ARMH3: variants seen among roughly 807,000 people sequenced by gnomAD.
ARMH3 encodes the protein armadillo like helical domain containing 3.
ARMH3 carries 60 observed loss-of-function variants against 99.1 expected under a neutral mutation model. That is an observed-to-expected ratio of 0.61 (90% CI 0.49 to 0.75). The LOEUF (loss-of-function observed/expected upper bound fraction) is 0.75. ARMH3 is among the 30% of genes least tolerant of loss of function. The pLI is 0.00. For missense variants in ARMH3, 679 were observed against 843.1 expected (o/e 0.81, Z 2.41); for synonymous variants, 285 against 292.8 (o/e 0.97, Z 0.27).
At chr10:102,009,491 G>A in intron 12 of ARMH3, 42 bp from the exon 13 acceptor site, 1 of 1,504,328 alleles carries the variant, frequency 6.6e-7, no homozygotes, top group South Asian at 1.1e-5. Flanking sequence ...TTTATAGTGG[G>A]GGGAGTTAAA....
intron 5 of ARMH3, among the ~76,000 whole-genome samples, chr10:102,026,231 A>C (rs939878677): frequency 6.6e-6 from 1 of 152,232 alleles, no homozygotes; most frequent in Admixed American, 6.5e-5. Flanking sequence ...TAGATGGAGA[A>C]TAAGGATTTA....
At chr10:102,035,883 A>T (rs1286422812) in intron 2 of ARMH3, among the ~76,000 whole-genome samples, 1 of 149,888 alleles carries the variant, frequency 6.7e-6, no homozygotes, top group Non-Finnish European at 1.5e-5. Context: ...GGATGTGAGG[A>T]GCCCCTCTGC....
chr10:101,945,281 C>T lies in ARMH3; in HGVS notation c.1706-5343G>A, dbSNP rs2135743843. On this transcript the variant is annotated intron_variant, in intron 22 of 25. Transcript: ENST00000370033. ...AAACTCAAAAGGAATCCTCATCTTT[C>T]TGGAGAAAGAAATTGAGAGGCCAGG... Among the ~76,000 whole-genome samples, 2 of 152,262 alleles carry T rather than the reference C, an allele frequency of 1.3e-5. 1 individual carries two copies. Among genetic ancestry groups the T allele is most frequent in the South Asian group, 4.1e-4 (2 of 4,824 alleles).
chr10:101,984,688 G>C (rs1188513457), intron 19 of ARMH3, among the ~76,000 whole-genome samples: 1 of 152,056 alleles, frequency 6.6e-6, no homozygotes, highest in African/African-American at 2.4e-5. Context: ...ACCAACAGGT[G>C]ACATCATTAG....
Position 102,023,671 on chromosome 10 carries a change from C to T in ARMH3, c.582+4G>A. 6.2e-7 allele frequency: 1 copy of T among 1,613,356 alleles called. No homozygotes were observed. The highest frequency in any genetic ancestry group is 8.5e-7 in the Non-Finnish European group (1 of 1,179,342). On this transcript the variant is annotated splice_donor_region_variant and intron_variant, in intron 7 of 25. Coordinates refer to ENST00000370033, the MANE Select transcript of ARMH3 (RefSeq NM_024541.3). ...CCAAAGAGAGGAGGTAACAAGGGAC[C>T]TACCTGTAAAATTGCTTCAAATATG...
chr10:102,010,387 G>T (rs777566018), intron 11 of ARMH3, among the ~76,000 whole-genome samples: 4 of 152,124 alleles, frequency 2.6e-5, no homozygotes, highest in Non-Finnish European at 5.9e-5. Flanking sequence ...ATCTTTCCTA[G>T]AAGTTGCTTA....
At chr10:102,036,636 G>T (rs199770887) in intron 2 of ARMH3, among the ~76,000 whole-genome samples, 3 of 151,982 alleles carry the variant, frequency 2.0e-5, no homozygotes, top group African/African-American at 7.3e-5. Context: ...GATTAAGGGC[G>T]GTGCAAGATG....
chr10:101,870,558 A>G (rs996706841), intron 24 of ARMH3, among the ~76,000 whole-genome samples: 1 of 152,196 alleles, frequency 6.6e-6, no homozygotes, highest in Non-Finnish European at 1.5e-5. Context: ...CAACTTTACT[A>G]TATGTTTGAA....
intron 20 of ARMH3, among the ~76,000 whole-genome samples, chr10:101,958,182 C>A (rs1845126443): frequency 6.6e-6 from 1 of 152,170 alleles, no homozygotes; most frequent in South Asian, 2.1e-4. Flanking sequence ...GAAAATGTAT[C>A]CATTCTAACT....
chr10:101,990,706 C>T, intron 18 of ARMH3, 95 bp from the exon 19 acceptor site: 1 of 905,538 alleles, frequency 1.1e-6, no homozygotes, highest in Non-Finnish European at 1.8e-6. Flanking sequence ...ACCTTGCACT[C>T]ACACTGAACG....
intron 24 of ARMH3, among the ~76,000 whole-genome samples, chr10:101,868,052 CTG>C (rs1342196306): frequency 6.6e-6 from 1 of 151,506 alleles, no homozygotes; most frequent in South Asian, 2.1e-4. Context: ...CAGGAGAAAA[CTG>C]TGTCCAGATG....
At chr10:102,020,551 T>C (rs979246028) in intron 8 of ARMH3, among the ~76,000 whole-genome samples, 2 of 151,782 alleles carry the variant, frequency 1.3e-5, no homozygotes, top group Non-Finnish European at 2.9e-5. Context: ...CCAGGCGTGG[T>C]GGCGGGCGCC....
intron 23 of ARMH3, among the ~76,000 whole-genome samples, chr10:101,932,367 T>C (rs900643970): frequency 2.0e-5 from 3 of 152,202 alleles, no homozygotes; most frequent in Non-Finnish European, 4.4e-5. Flanking sequence ...TTACTCAAAA[T>C]GTTATACAGA....
chr10:101,936,707 C>T (rs1454138290), intron 23 of ARMH3, among the ~76,000 whole-genome samples: 1 of 152,086 alleles, frequency 6.6e-6, no homozygotes, highest in Non-Finnish European at 1.5e-5. Context: ...TCTGTATACC[C>T]ATGTTCATAC....
chr10:101,854,112 C>A (rs1175529189), intron 24 of ARMH3, among the ~76,000 whole-genome samples: 1 of 150,458 alleles, frequency 6.6e-6, no homozygotes, highest in African/African-American at 2.4e-5. Context: ...GACTCCGTCT[C>A]AAAAAAAAAG....
Position 102,034,124 on chromosome 10 carries a change from C to A in ARMH3, c.103-785G>T, listed in dbSNP as rs181754881. On this transcript the variant is annotated intron_variant, in intron 2 of 25. Coordinates refer to ENST00000370033, the MANE Select transcript of ARMH3 (RefSeq NM_024541.3). ...AGAATTCAGATCACCTCAGTAATAC[C>A]ACAGTGGTTTTTACAGCATGCTGTG... Among the ~76,000 whole-genome samples the A allele has an allele frequency of 1.7e-4, 26 of 152,258 alleles. No homozygotes were observed. In the East Asian group the frequency reaches 4.8e-3, roughly 28 times the overall value.
intron 24 of ARMH3, among the ~76,000 whole-genome samples, chr10:101,852,662 T>C (rs969233042): frequency 4.6e-5 from 7 of 151,754 alleles, no homozygotes; most frequent in African/African-American, 1.5e-4. Flanking sequence ...GGCAGGAGAA[T>C]TGCTTGAACC....
intron 1 of ARMH3, among the ~76,000 whole-genome samples, chr10:102,053,524 C>G (rs2067760699): frequency 6.6e-6 from 1 of 151,992 alleles, no homozygotes. Flanking sequence ...TATAAGCCAC[C>G]AGGCCGAGTA....
chr10:101,986,815 T>C (rs1191483725), intron 19 of ARMH3, among the ~76,000 whole-genome samples: 1 of 152,126 alleles, frequency 6.6e-6, no homozygotes, highest in East Asian at 1.9e-4. Context: ...TCTGGAAACA[T>C]GCCCAGGGGT....
Sources: allele counts gnomAD v4.1 joint callset (sites outside exome capture counted in the v4.1 genomes callset), GRCh38; gene constraint gnomAD v4.1.1; transcripts MANE v1.5; gene names NCBI Gene and HGNC (gene_info 2026-07-23, HGNC 2026-07-21).